TLN2: variants seen among roughly 807,000 people sequenced by gnomAD.
TLN2 encodes the protein talin-2.
In TLN2, 118 loss-of-function variants were observed where a neutral mutation model predicts 294.7. That is an observed-to-expected ratio of 0.40 (90% CI 0.34 to 0.47). The LOEUF (loss-of-function observed/expected upper bound fraction) is 0.47. Among genes scored for constraint, TLN2 ranks in the 20% least tolerant of loss-of-function variants. The pLI is 0.84. For synonymous variants in TLN2, 1,431 were observed against 1,304.5 expected, an observed-to-expected ratio of 1.10 and a Z score of -2.09; for missense variants, 3,083 against 3,282.2, an observed-to-expected ratio of 0.94 and a Z score of 1.48.
intron 1 of TLN2, among the ~76,000 whole-genome samples, chr15:62,589,172 G>A (rs1360502135): frequency 6.6e-6 from 1 of 152,046 alleles, no homozygotes; most frequent in African/African-American, 2.4e-5. Flanking sequence ...GTGCTTCTCT[G>A]CTTCAAATTG....
chr15:62,580,734 G>A (rs976619517), intron 1 of TLN2, among the ~76,000 whole-genome samples: 2 of 151,904 alleles, frequency 1.3e-5, no homozygotes, highest in Admixed American at 1.3e-4. Flanking sequence ...GGTGTTGCAC[G>A]TTCTTTTGAT....
chr15:62,786,178 T>C (rs4775542), intron 45 of TLN2, among the ~76,000 whole-genome samples: 35,844 of 152,128 alleles, frequency 0.24, 4,481 homozygotes, highest in Admixed American at 0.3. Flanking sequence ...TGAAGCAATG[T>C]AGTTTTTTAT....
intron 9 of TLN2, among the ~76,000 whole-genome samples, chr15:62,662,829 T>TTTG (rs1390348198): frequency 1.4e-5 from 2 of 143,812 alleles, no homozygotes; most frequent in Non-Finnish European, 3.1e-5. Flanking sequence ...AGAGTTTTTT[T>TTTG]TTTTTTTTTT....
chr15:62,451,458 C>T (rs529707430), intron 1 of TLN2, among the ~76,000 whole-genome samples: 13 of 152,312 alleles, frequency 8.5e-5, no homozygotes, highest in African/African-American at 2.9e-4. Context: ...AGATCTAGAC[C>T]ATCCTGGCTA....
At chr15:62,633,148 T>C (rs2050068571) in intron 3 of TLN2, among the ~76,000 whole-genome samples, 1 of 152,206 alleles carries the variant, frequency 6.6e-6, no homozygotes, top group Non-Finnish European at 1.5e-5. Flanking sequence ...AGCACGGTGG[T>C]ATTATAGCAA....
chr15:62,413,247 C>A (rs891973600), intron 1 of TLN2, among the ~76,000 whole-genome samples: 1 of 152,086 alleles, frequency 6.6e-6, no homozygotes, highest in East Asian at 1.9e-4. Flanking sequence ...CCCAAGGTGA[C>A]ACATGGGGTT....
intron 1 of TLN2, among the ~76,000 whole-genome samples, chr15:62,583,154 A>G (rs2045287383): frequency 6.6e-6 from 1 of 152,222 alleles, no homozygotes; most frequent in Non-Finnish European, 1.5e-5. Context: ...TTTAAACATT[A>G]TGTTCAGAAT....
chr15:62,728,274 T>C (rs2060542494), intron 28 of TLN2, among the ~76,000 whole-genome samples: 1 of 152,224 alleles, frequency 6.6e-6, no homozygotes, highest in South Asian at 2.1e-4. Flanking sequence ...CTCAGCACTA[T>C]GTTAGTGAGA....
At chr15:62,587,588 T>A (rs1242513145) in intron 1 of TLN2, among the ~76,000 whole-genome samples, 1 of 152,214 alleles carries the variant, frequency 6.6e-6, no homozygotes, top group African/African-American at 2.4e-5. Flanking sequence ...ACATGTCTCA[T>A]ATCTGTGGGC....
intron 2 of TLN2, among the ~76,000 whole-genome samples, chr15:62,605,833 C>G (rs1208066993): frequency 6.6e-6 from 1 of 152,232 alleles, no homozygotes; most frequent in African/African-American, 2.4e-5. Flanking sequence ...CCTCCCCAAG[C>G]TGCAAGCGAA....
At chr15:62,725,995 C>G (rs183883776) in intron 27 of TLN2, among the ~76,000 whole-genome samples, 1 of 152,258 alleles carries the variant, frequency 6.6e-6, no homozygotes, top group East Asian at 1.9e-4. Flanking sequence ...AAAGAAGAAA[C>G]TCAGGCTCAG....
intron 1 of TLN2, among the ~76,000 whole-genome samples, chr15:62,450,158 G>C (rs993182960): frequency 6.6e-6 from 1 of 152,288 alleles, no homozygotes; most frequent in Non-Finnish European, 1.5e-5. Context: ...GTGTGTCTCA[G>C]TAGAGTCTTC....
At chr15:62,638,158 C>T (rs923109016) in intron 3 of TLN2, 5 of 167,100 alleles carry the variant, frequency 3.0e-5, no homozygotes, top group South Asian at 3.1e-4. Context: ...CTCTTTCAGG[C>T]GGTCCTTTTT....
chr15:62,770,859 A>T lies in TLN2; in HGVS notation c.5197-105A>T, dbSNP rs1259164825. 5 of 1,362,890 alleles carry T rather than the reference A, an allele frequency of 3.7e-6. No individual in the cohort carries two copies. The African/African-American group carries it at 7.3e-5, about 20-fold the overall frequency. The allele number at this position is 1,362,890 out of a possible 1,614,324, so 84.4% of individuals were successfully genotyped here. On this transcript the variant is annotated intron_variant, in intron 41 of 58. Coordinates refer to ENST00000636159, the MANE Select transcript of TLN2 (RefSeq NM_015059.3). ...TGCAGCAGATCTGCCTCTCCCTGTGAGTCAGCCCAGTCCTGTTCCCCTCCC... is the reference window on the plus strand; with the variant it reads ...TGCAGCAGATCTGCCTCTCCCTGTGTGTCAGCCCAGTCCTGTTCCCCTCCC...
intron 43 of TLN2, among the ~76,000 whole-genome samples, chr15:62,777,584 G>T (rs1206321280): frequency 6.6e-6 from 1 of 151,364 alleles, no homozygotes; most frequent in African/African-American, 2.4e-5. Context: ...GGCTATTTTG[G>T]AATCATGTGG....
chr15:62,727,030 A>G, intron 27 of TLN2, 57 bp from the exon 28 acceptor site: 1 of 1,547,064 alleles, frequency 6.5e-7, no homozygotes, highest in South Asian at 1.2e-5. Flanking sequence ...TTATTTTAAG[A>G]CCTCAGCAGA....
At chr15:62,495,456 T>C (rs186892329) in intron 1 of TLN2, among the ~76,000 whole-genome samples, 125 of 152,332 alleles carry the variant, frequency 8.2e-4, no homozygotes, top group Middle Eastern at 6.8e-3. Flanking sequence ...GGGAATGGCA[T>C]TTCCAAGATT....
chr15:62,732,786 G>A lies in TLN2; in HGVS notation c.3359-4092G>A, dbSNP rs138780898. On this transcript the variant is annotated intron_variant, in intron 28 of 58. Coordinates refer to ENST00000636159, the MANE Select transcript of TLN2 (RefSeq NM_015059.3). Reference sequence around the variant, plus strand: ...AGTTGGTGGAGATGGTAACATGAACGGTTCCAAGTGTTTGGCCTTATAGCT... The same window carrying A: ...AGTTGGTGGAGATGGTAACATGAACAGTTCCAAGTGTTTGGCCTTATAGCT... 1.6e-3 allele frequency among the ~76,000 whole-genome samples: 243 copies of A among 152,274 alleles called. 2 individuals are homozygous for A. Among genetic ancestry groups the A allele is most frequent in the South Asian group, 3.1e-3 (15 of 4,820 alleles).
chr15:62,614,666 A>T (rs2048170669), intron 2 of TLN2, among the ~76,000 whole-genome samples: 1 of 152,220 alleles, frequency 6.6e-6, no homozygotes, highest in African/African-American at 2.4e-5. Flanking sequence ...TTATTGAGAA[A>T]AGTTAAAACT....
Sources: gnomAD v4.1 joint callset for allele counts (sites outside exome capture counted in the v4.1 genomes callset) on GRCh38, gnomAD v4.1.1 for gene constraint, MANE v1.5 for transcripts, NCBI Gene and HGNC (gene_info 2026-07-23, HGNC 2026-07-21) for gene names.